ARSD: variants seen among roughly 807,000 people sequenced by gnomAD.
ARSD encodes the protein testis tissue sperm-binding protein Li 39a.
ARSD carries 21 observed loss-of-function variants against 32.6 expected under a neutral mutation model. That is an observed-to-expected ratio of 0.64 (90% CI 0.46 to 0.93). ARSD has a LOEUF of 0.93. Among genes scored for constraint, ARSD ranks in the 40% least tolerant of loss-of-function variants. ARSD has a pLI of 0.00. For synonymous variants in ARSD, 224 were observed against 237.4 expected, an observed-to-expected ratio of 0.94 and a Z score of 0.52; for missense variants, 454 against 520.9, an observed-to-expected ratio of 0.87 and a Z score of 1.25.
chrX:2,918,260 G>A (rs750489362), intron 4 of ARSD, 33 bp from the exon 5 acceptor site: 50 of 1,106,797 alleles, frequency 4.5e-5, no homozygotes, highest in East Asian at 3.2e-5. Context: ...ACAGAGACCC[G>A]CTTTGAAGCA....
intron 9 of ARSD, chrX:2,908,097 C>T: frequency 6.6e-6 from 2 of 304,641 alleles, no homozygotes; most frequent in Non-Finnish European, 8.8e-6. Context: ...ACCCATCGAT[C>T]TCATCTATCT....
intron 4 of ARSD, 89 bp from the exon 5 acceptor site, chrX:2,918,316 G>A: frequency 1.1e-6 from 1 of 935,967 alleles, no homozygotes; most frequent in Non-Finnish European, 1.4e-6. Context: ...GCGTCGGCAG[G>A]AAAAGAAAAG....
intron 8 of ARSD, among the ~76,000 whole-genome samples, chrX:2,909,113 C>G (rs2088880177): frequency 9.0e-6 from 1 of 111,421 alleles, no homozygotes; most frequent in Admixed American, 9.5e-5. Context: ...CCCCAACACA[C>G]AGCACTGTCA....
Position 2,918,181 on chromosome X carries a change from G to A in ARSD, c.486C>T (p.Cys162=). 8.4e-7 allele frequency: 1 copy of A among 1,192,084 alleles called. No individual in the cohort carries two copies. Among genetic ancestry groups the A allele is most frequent in the Non-Finnish European group, 1.1e-6 (1 of 883,639 alleles). The part of the protein sequence containing the change: ...GVNCASRGDH[C]HHPLNHGFDY... ...CAAATCCGTGGTTCAGGGGGTGGTG[G>A]CAGTGATCCCCGCGGGATGCACAAT... Residue 162 remains cysteine, a synonymous_variant, in exon 5 of 10, where the codon TGC becomes TGT. Coordinates refer to ENST00000381154, the MANE Select transcript of ARSD (RefSeq NM_001669.4).
intron 8 of ARSD, among the ~76,000 whole-genome samples, 183 bp from the exon 9 acceptor site, chrX:2,909,025 C>T (rs1441962796): frequency 9.0e-6 from 1 of 111,037 alleles, no homozygotes; most frequent in African/African-American, 3.3e-5. Flanking sequence ...TATTTCAAGA[C>T]ACAGTGTCTC....
In ARSD at chrX:2,909,835, C is replaced by T. The variant is rs771561728; in HGVS notation, c.1280G>A (p.Gly427Asp). Residue 427 changes from glycine (G) to aspartate (D), a missense_variant, in exon 8 of 10, where the codon GGC (glycine) becomes GAC (aspartate). Gly to Asp is a moderately conservative substitution (Grantham distance 94). Transcript: ENST00000381154. ...VFPTVVQLVG[G>D]EVPQDRVIDG... ...CACGTACCTGTCCTGGGGCACCTCG[C>T]CACCCACCAGCTGGACCACAGTAGG... 5 of 1,209,012 alleles carry T rather than the reference C, an allele frequency of 4.1e-6. No individual in the cohort carries two copies. In the South Asian group the frequency reaches 8.8e-5, roughly 21 times the overall value.
chrX:2,908,990 G>C, intron 8 of ARSD, 148 bp from the exon 9 acceptor site: 1 of 902,161 alleles, frequency 1.1e-6, no homozygotes, highest in East Asian at 3.4e-5. Context: ...TCAGATTACA[G>C]GTTGCTGAGC....
chrX:2,920,528 G>T, intron 4 of ARSD, 73 bp downstream of exon 4: 1 of 1,196,659 alleles, frequency 8.4e-7, no homozygotes, highest in Non-Finnish European at 1.1e-6. Flanking sequence ...GCGCCACCAC[G>T]CCTGGCCTGG....
chrX:2,922,181 C>T (rs1366471619), intron 2 of ARSD, among the ~76,000 whole-genome samples, 157 bp from the exon 3 acceptor site: 2 of 110,295 alleles, frequency 1.8e-5, no homozygotes, highest in Middle Eastern at 4.2e-3. Context: ...TGACCCCATC[C>T]TAAGTTTGGT....
chrX:2,922,867 A>AAG (rs2089043796), intron 2 of ARSD, among the ~76,000 whole-genome samples: 1 of 100,198 alleles, frequency 1.0e-5, no homozygotes, highest in African/African-American at 4.0e-5. Flanking sequence ...AAAAAAAAAA[A>AAG]AAAAGAAAGA....
At position 2,905,667 on chromosome X, in the gene ARSD, T is replaced by C. The variant is rs938698988; in HGVS notation, c.*1604A>G. On this transcript the variant is annotated 3_prime_UTR_variant, in exon 10 of 10. Transcript: ENST00000381154. ...TCCAATTATAGGCAATGGTAGTACG[T>C]GTTTCAGTGCAGAATGAGATAGAGT... is the stretch of plus-strand genomic sequence containing the variant. 8.9e-6 allele frequency: 1 copy of C among 112,809 alleles called. No individual in the cohort carries two copies. Among genetic ancestry groups the C allele is most frequent in the Non-Finnish European group, 1.9e-5 (1 of 53,420 alleles). 9.3% of individuals were successfully genotyped at this position (112,809 alleles called of 1,213,427 possible).
At chrX:2,927,639 T>C (rs1340889884) in intron 1 of ARSD, among the ~76,000 whole-genome samples, 1 of 112,250 alleles carries the variant, frequency 8.9e-6, no homozygotes, top group Non-Finnish European at 1.9e-5. Flanking sequence ...GACCGAAGGC[T>C]TCCCTTTGAC....
At position 2,920,705 on chromosome X, in the gene ARSD, C is replaced by G; in HGVS notation, c.335G>C (p.Gly112Ala). Reference sequence around the variant, plus strand: ...TGCGTTCCACTGAAGGGCCCGGTATCCATTGCTGGCGTCCATGCCTGTGGG... The same window carrying G: ...TGCGTTCCACTGAAGGGCCCGGTATGCATTGCTGGCGTCCATGCCTGTGGG... ...SFRSGMDASN[G>A]YRALQWNAGS... is the part of the protein sequence containing the mutation. The change falls in exon 4 of 10, where the codon GGA becomes GCA. Residue 112 changes from glycine (G) to alanine (A), a missense_variant. Gly to Ala is a moderately conservative substitution (Grantham distance 60). Around this residue, in one of 3 missense-constraint regions of ARSD, gnomAD observed 271 missense variants for 301.0 expected, o/e 0.90. Transcript: ENST00000381154. The G allele has an allele frequency of 8.3e-7, 1 of 1,211,651 alleles. No homozygotes were observed. The highest frequency in any genetic ancestry group is 1.1e-6 in the Non-Finnish European group (1 of 895,481).
intron 2 of ARSD, 122 bp downstream of exon 2, chrX:2,925,494 T>G (rs749738340): frequency 1.3e-6 from 1 of 756,380 alleles, no homozygotes. Flanking sequence ...TTTTACCTGT[T>G]GGTAGTTTTT....
In ARSD at chrX:2,925,753, C is replaced by T. The variant is rs763681780; in HGVS notation, c.57G>A (p.Pro19=). The T allele has an allele frequency of 4.7e-5, 57 of 1,208,468 alleles. No homozygotes were observed. The highest frequency in any genetic ancestry group is 3.2e-5 in the Non-Finnish European group (29 of 894,653). The change falls in exon 2 of 10, where the codon CCG becomes CCA. Residue 19 remains proline (P), a synonymous_variant. Transcript: ENST00000381154. ...RAAPAARDSL[P]VLLFLCLLLK... ...GAAGCAAGCATAAAAACAGTAGCAC[C>T]GGCAAAGAGTCCCTGGAGAGAAAAG...
rs1194964481 is a variant in ARSD, at chrX:2,921,788, A to C, written c.316+115T>G. ...AAATACAAGGAAGACGATGAATTGC[A>C]GGTGATCTTTGTACCATTGCCCCTG... On this transcript the variant is annotated intron_variant, in intron 3 of 9. Transcript: ENST00000381154. The C allele has an allele frequency of 6.8e-6, 6 of 877,426 alleles. No homozygotes were observed. The African/African-American group carries it at 1.2e-4, about 18-fold the overall frequency. The allele number at this position is 877,426 out of a possible 1,213,427, so 72.3% of individuals were successfully genotyped here. A position where few individuals can be genotyped will look rare whatever the true frequency, so the allele number is the denominator to read the frequency against.
intron 3 of ARSD, among the ~76,000 whole-genome samples, chrX:2,921,683 C>G (rs891456749): frequency 8.9e-6 from 1 of 112,556 alleles, no homozygotes; most frequent in Non-Finnish European, 1.9e-5. Flanking sequence ...TTAAAATATT[C>G]CACAGACCTT....
At chrX:2,927,810 A>C (rs748664436) in intron 1 of ARSD, among the ~76,000 whole-genome samples, 1 of 90,708 alleles carries the variant, frequency 1.1e-5, no homozygotes, top group South Asian at 3.9e-4. Flanking sequence ...TTGTAACTTC[A>C]CCCTTTGGTT....
intron 4 of ARSD, 152 bp downstream of exon 4, chrX:2,920,449 C>A (rs781462332): frequency 1.5e-5 from 12 of 785,215 alleles, no homozygotes; most frequent in Non-Finnish European, 2.0e-5. Flanking sequence ...CGGCTCCCTG[C>A]AACCTCCGCT....
Sources: allele counts gnomAD v4.1 joint callset (sites outside exome capture counted in the v4.1 genomes callset), GRCh38; gene constraint gnomAD v4.1.1; regional missense constraint gnomAD v4.1.1; transcripts MANE v1.5; gene names NCBI Gene and HGNC (gene_info 2026-07-23, HGNC 2026-07-21).